Variants in JAZF1 observed in about 807,000 individuals in gnomAD.
JAZF1 encodes juxtaposed with another zinc finger protein 1.
In JAZF1, 8 loss-of-function variants were observed where a neutral mutation model predicts 26.4. The ratio of observed to expected loss-of-function variants is 0.30; its 90% CI spans 0.18 to 0.55. JAZF1 has a LOEUF of 0.55. Ranked by LOEUF, JAZF1 falls within the 20% of genes least tolerant of loss-of-function variation. The pLI is 0.94. For synonymous variants in JAZF1, 126 were observed against 122.3 expected, an observed-to-expected ratio of 1.03 and a Z score of -0.20; for missense variants, 199 against 322.0, an observed-to-expected ratio of 0.62 and a Z score of 2.92.
At chr7:27,927,518 T>C (rs1248181642) in intron 2 of JAZF1, among the ~76,000 whole-genome samples, 1 of 152,154 alleles carries the variant, frequency 6.6e-6, no homozygotes, top group Non-Finnish European at 1.5e-5. Context: ...CATTAAATCA[T>C]ATAATAACTA....
In JAZF1 at chr7:28,007,500, C is replaced by T. The variant is rs180903497; in HGVS notation, c.116-15519G>A. Among the ~76,000 whole-genome samples the T allele has an allele frequency of 7.8e-4, 118 of 151,652 alleles. 1 individual carries two copies. In the East Asian group the frequency reaches 0.021, roughly 27 times the overall value. ...AGGAGAATCACTGGAACCCGGGAGG[C>T]GGAGGTTGCAGTGAGCCGAGATCAT... On this transcript the variant is annotated intron_variant, in intron 1 of 4. Coordinates refer to ENST00000283928, the MANE Select transcript of JAZF1 (RefSeq NM_175061.4).
intron 2 of JAZF1, among the ~76,000 whole-genome samples, chr7:27,954,613 T>C (rs962399945): frequency 1.3e-5 from 2 of 152,146 alleles, no homozygotes; most frequent in Non-Finnish European, 2.9e-5. Context: ...TATCAACTGG[T>C]AATGTGTAAA....
At chr7:28,024,169 C>T (rs1783053905) in intron 1 of JAZF1, among the ~76,000 whole-genome samples, 1 of 151,870 alleles carries the variant, frequency 6.6e-6, no homozygotes, top group Admixed American at 6.6e-5. Flanking sequence ...GGTGGCACCA[C>T]CTGTAGTCCC....
intron 2 of JAZF1, chr7:27,913,260 A>G (rs558535956): frequency 1.6e-5 from 3 of 184,582 alleles, no homozygotes; most frequent in African/African-American, 7.3e-5. Context: ...TTTACATATT[A>G]TATATGTATT....
intron 2 of JAZF1, among the ~76,000 whole-genome samples, chr7:27,969,566 C>T (rs1239719291): frequency 1.3e-5 from 2 of 152,130 alleles, no homozygotes; most frequent in African/African-American, 2.4e-5. Flanking sequence ...TGGGACAAGA[C>T]TGACACGAGT....
chr7:28,165,220 C>G (rs1239493847), intron 1 of JAZF1, among the ~76,000 whole-genome samples: 1 of 152,060 alleles, frequency 6.6e-6, no homozygotes, highest in Non-Finnish European at 1.5e-5. Flanking sequence ...TTTTCATTCC[C>G]ACTTCCAAAT....
chr7:27,908,502 GA>G (rs1177078957), intron 2 of JAZF1, among the ~76,000 whole-genome samples: 2 of 152,036 alleles, frequency 1.3e-5, no homozygotes, highest in Non-Finnish European at 2.9e-5. Flanking sequence ...AACTACTTCT[GA>G]ACTTAAAAGC....
chr7:28,012,806 C>G (rs1223262516), intron 1 of JAZF1, among the ~76,000 whole-genome samples: 1 of 152,224 alleles, frequency 6.6e-6, no homozygotes, highest in East Asian at 1.9e-4. Context: ...TCTTGAGACT[C>G]TTCTCCTCCA....
At chr7:28,166,315 G>A (rs1583594906) in intron 1 of JAZF1, among the ~76,000 whole-genome samples, 1 of 152,192 alleles carries the variant, frequency 6.6e-6, no homozygotes, top group Admixed American at 6.5e-5. Flanking sequence ...CTCATATATT[G>A]CTGTGCAAGC....
At chr7:27,861,312 A>T (rs567162290) in intron 3 of JAZF1, among the ~76,000 whole-genome samples, 98 of 150,560 alleles carry the variant, frequency 6.5e-4, no homozygotes, top group South Asian at 4.4e-3. Context: ...TTTGAAAAAA[A>T]TTTTTTTTTT....
intron 1 of JAZF1, among the ~76,000 whole-genome samples, chr7:28,068,899 CT>C (rs1160615453): frequency 1.3e-5 from 2 of 152,228 alleles, no homozygotes; most frequent in Non-Finnish European, 2.9e-5. Context: ...GACTGAAAGA[CT>C]CATCCCTGTG....
intron 1 of JAZF1, among the ~76,000 whole-genome samples, chr7:28,142,941 G>C (rs1018534949): frequency 6.6e-6 from 1 of 152,202 alleles, no homozygotes; most frequent in African/African-American, 2.4e-5. Flanking sequence ...GGGATAGAAA[G>C]TATGGGCATT....
chr7:28,064,267 C>T (rs1352518261), intron 1 of JAZF1, among the ~76,000 whole-genome samples: 1 of 151,912 alleles, frequency 6.6e-6, no homozygotes, highest in Non-Finnish European at 1.5e-5. Flanking sequence ...ATATTTCAAA[C>T]CTCATCATTT....
At chr7:27,992,254 G>A (rs1785922114) in intron 1 of JAZF1, 2 of 527,708 alleles carry the variant, frequency 3.8e-6, no homozygotes, top group Non-Finnish European at 7.5e-6. Context: ...ATAAATATTG[G>A]TTTTCACTGC....
At chr7:28,044,515 T>A (rs919389185) in intron 1 of JAZF1, among the ~76,000 whole-genome samples, 2 of 152,176 alleles carry the variant, frequency 1.3e-5, no homozygotes, top group Non-Finnish European at 2.9e-5. Flanking sequence ...CTGTCCTAGC[T>A]GATGAGGTGA....
At chr7:27,868,379 T>C (rs12700848) in intron 3 of JAZF1, among the ~76,000 whole-genome samples, 35,354 of 152,128 alleles carry the variant, frequency 0.23, 4,367 homozygotes, top group Middle Eastern at 0.34. Flanking sequence ...CGCAACTCCC[T>C]GTGGGGTTGA....
intron 1 of JAZF1, among the ~76,000 whole-genome samples, chr7:28,124,979 CT>C (rs1446950176): frequency 6.6e-6 from 1 of 152,086 alleles, no homozygotes; most frequent in African/African-American, 2.4e-5. Flanking sequence ...TTTAATTGCA[CT>C]GCATAAAGGA....
intron 3 of JAZF1, among the ~76,000 whole-genome samples, chr7:27,883,312 C>T (rs868855212): frequency 2.0e-5 from 3 of 152,094 alleles, no homozygotes; most frequent in African/African-American, 7.2e-5. Context: ...GTTTCTAGCA[C>T]GAAGTGAAAT....
chr7:28,178,826 A>T (rs992037917), intron 1 of JAZF1, among the ~76,000 whole-genome samples: 3 of 152,256 alleles, frequency 2.0e-5, no homozygotes, highest in Non-Finnish European at 4.4e-5. Context: ...AGCTATTACA[A>T]GGACGCCTGA....
Sources: allele counts gnomAD v4.1 joint callset (sites outside exome capture counted in the v4.1 genomes callset), GRCh38; gene constraint gnomAD v4.1.1; transcripts MANE v1.5; gene names NCBI Gene and HGNC (gene_info 2026-07-23, HGNC 2026-07-21).